RGS7: variants seen among roughly 807,000 people sequenced by gnomAD.
The protein encoded by RGS7 is regulator of G protein signaling 7.
A neutral mutation model predicts 81.1 loss-of-function variants in RGS7; 27 were observed. The observed-to-expected ratio is 0.33, with a 90% CI of 0.25 to 0.46. The LOEUF is 0.46. Ranked by LOEUF, RGS7 falls within the 20% of genes least tolerant of loss-of-function variation. RGS7 has a pLI of 1.00. For missense variants in RGS7, 396 were observed against 607.4 expected, an observed-to-expected ratio of 0.65 and a Z score of 3.66; for synonymous variants, 208 against 207.7, an observed-to-expected ratio of 1.00 and a Z score of -0.01.
In RGS7 at chr1:240,922,929, G is replaced by A. The variant is rs116639063; in HGVS notation, c.385+7788C>T. Among the ~76,000 whole-genome samples, 1,031 of 152,120 alleles carry A rather than the reference G, an allele frequency of 6.8e-3. 5 individuals carry two copies. The highest frequency in any genetic ancestry group is 0.024 in the African/African-American group (998 of 41,542). On this transcript the variant is annotated intron_variant, in intron 6 of 18. Coordinates refer to ENST00000440928, the MANE Select transcript of RGS7 (RefSeq NM_001364886.1). Reference sequence around the variant, plus strand: ...ATGAAGGTTTATAGCAGCTCAACTCGTAATTGCCATATGTGGAATTGATTA... The same window carrying A: ...ATGAAGGTTTATAGCAGCTCAACTCATAATTGCCATATGTGGAATTGATTA...
chr1:240,796,916 C>T (rs1687160655), intron 18 of RGS7, among the ~76,000 whole-genome samples: 1 of 152,174 alleles, frequency 6.6e-6, no homozygotes, highest in Admixed American at 6.5e-5. Flanking sequence ...TTTAAAGTCT[C>T]TACAGATAAT....
chr1:240,880,478 T>C (rs1014012403), intron 6 of RGS7, among the ~76,000 whole-genome samples: 10 of 152,238 alleles, frequency 6.6e-5, no homozygotes, highest in Non-Finnish European at 1.0e-4. Flanking sequence ...GACCAGCCAC[T>C]GCAGCAATCC....
At chr1:240,998,611 T>C (rs138998491) in intron 3 of RGS7, 2 of 875,228 alleles carry the variant, frequency 2.3e-6, no homozygotes, top group Non-Finnish European at 3.8e-6. Context: ...AGCCCCTACA[T>C]TGCAGAGGAG....
rs369411741 is a variant in RGS7, at chr1:240,884,032, C to T, written c.386-13913G>A. On this transcript the variant is annotated intron_variant, in intron 6 of 18. Coordinates refer to ENST00000440928, the MANE Select transcript of RGS7 (RefSeq NM_001364886.1). ...CAGAGGTTGTAGTGAGCTGAGATCA[C>T]GCCATTGCACTCCAGCCTGGGCGAC... Among the ~76,000 whole-genome samples the T allele has an allele frequency of 1.6e-4, 22 of 137,850 alleles. No individual in the cohort carries two copies. In the East Asian group the frequency reaches 3.9e-3, roughly 25 times the overall value. The allele number at this position is 137,850 out of a possible 152,430, so 90.4% of individuals were successfully genotyped here.
chr1:241,353,038 T>C (rs893222937), intron 2 of RGS7, among the ~76,000 whole-genome samples: 1 of 152,218 alleles, frequency 6.6e-6, no homozygotes, highest in East Asian at 1.9e-4. Flanking sequence ...GATGCTTCAA[T>C]AGTGAAGTAG....
At chr1:241,221,857 A>C (rs961424901) in intron 2 of RGS7, among the ~76,000 whole-genome samples, 7 of 152,248 alleles carry the variant, frequency 4.6e-5, no homozygotes, top group African/African-American at 1.7e-4. Flanking sequence ...CATAAACATA[A>C]GCCAATTCCT....
chr1:241,207,633 T>C (rs576211834), intron 2 of RGS7, among the ~76,000 whole-genome samples: 18 of 152,218 alleles, frequency 1.2e-4, no homozygotes, highest in African/African-American at 4.3e-4. Context: ...AAGAAAGTTA[T>C]AATGGACTTG....
At chr1:241,057,668 C>T (rs528178938) in intron 3 of RGS7, among the ~76,000 whole-genome samples, 114 of 152,158 alleles carry the variant, frequency 7.5e-4, no homozygotes, top group Admixed American at 1.4e-3. Context: ...AATCCCAGCA[C>T]TTTGGGAGGC....
chr1:241,224,565 C>A (rs2075205406), intron 2 of RGS7, among the ~76,000 whole-genome samples: 1 of 152,176 alleles, frequency 6.6e-6, no homozygotes, highest in African/African-American at 2.4e-5. Flanking sequence ...TTTCTTCCCA[C>A]CATAAAAGTT....
intron 2 of RGS7, among the ~76,000 whole-genome samples, chr1:241,179,920 A>C (rs1463919731): frequency 6.6e-6 from 1 of 152,222 alleles, no homozygotes; most frequent in Non-Finnish European, 1.5e-5. Flanking sequence ...AAAGAGTCCT[A>C]AAATCTAGTT....
chr1:241,108,139 A>G (rs2065251112), intron 2 of RGS7, among the ~76,000 whole-genome samples: 1 of 152,026 alleles, frequency 6.6e-6, no homozygotes, highest in African/African-American at 2.4e-5. Flanking sequence ...GCCGGTCTCT[A>G]CTAAAAATAC....
At chr1:240,869,357 T>A (rs1392463760) in intron 7 of RGS7, among the ~76,000 whole-genome samples, 1 of 152,164 alleles carries the variant, frequency 6.6e-6, no homozygotes, top group Non-Finnish European at 1.5e-5. Context: ...AGCAGATGAC[T>A]TTTATCTGCT....
chr1:241,125,836 C>T (rs1032017906), intron 2 of RGS7, among the ~76,000 whole-genome samples: 3 of 152,170 alleles, frequency 2.0e-5, no homozygotes, highest in Admixed American at 6.5e-5. Flanking sequence ...CTACCTCGAT[C>T]TTATTTCCTC....
chr1:241,255,867 C>T (rs2077034220), intron 2 of RGS7, among the ~76,000 whole-genome samples: 1 of 152,124 alleles, frequency 6.6e-6, no homozygotes, highest in African/African-American at 2.4e-5. Flanking sequence ...TTAGGTAATT[C>T]CCTTAGCAAG....
intron 3 of RGS7, 26 bp downstream of exon 3, chr1:241,098,640 C>T (rs771787657): frequency 1.5e-5 from 23 of 1,497,360 alleles, no homozygotes; most frequent in Non-Finnish European, 2.0e-5. Flanking sequence ...CAGGAGAAAA[C>T]AGAACTGTGC....
At chr1:240,954,529 G>C (rs1680041222) in intron 4 of RGS7, among the ~76,000 whole-genome samples, 1 of 143,522 alleles carries the variant, frequency 7.0e-6, no homozygotes, top group Non-Finnish European at 1.5e-5. Flanking sequence ...GAAATCATTA[G>C]ACAGAATCCA....
chr1:241,129,724 C>T (rs533991820), intron 2 of RGS7, among the ~76,000 whole-genome samples: 4 of 151,984 alleles, frequency 2.6e-5, no homozygotes, highest in African/African-American at 9.6e-5. Context: ...TGGGTGGAGC[C>T]CAGAAATCAG....
rs1572224082 is a variant in RGS7, at chr1:240,816,391, T to A, written c.709A>T (p.Ile237Phe). ...GTGTGGGTAGGACTGTGACTTCTAA[T>A]ATCATTTTGTAAACCATAGACAGAC... is the stretch of plus-strand genomic sequence containing the variant. ...RKSVYGLQNDIRSHSPTHTPT... is the reference protein window; with the variant it reads ...RKSVYGLQNDFRSHSPTHTPT... The change falls in exon 11 of 19, where the codon ATT becomes TTT. Residue 237 changes from isoleucine to phenylalanine, a missense_variant. By Grantham distance (21) the Ile-to-Phe change is conservative. Coordinates refer to ENST00000440928, the MANE Select transcript of RGS7 (RefSeq NM_001364886.1). 1.9e-6 allele frequency: 3 copies of A among 1,605,910 alleles called. No individual in the cohort carries two copies. The highest frequency in any genetic ancestry group is 2.6e-6 in the Non-Finnish European group (3 of 1,172,720).
At chr1:241,216,213 A>T (rs2074544307) in intron 2 of RGS7, among the ~76,000 whole-genome samples, 1 of 152,192 alleles carries the variant, frequency 6.6e-6, no homozygotes, top group Admixed American at 6.5e-5. Context: ...TAGAGGTTGT[A>T]GTGAGCCGAG....
Sources: allele counts gnomAD v4.1 joint callset (sites outside exome capture counted in the v4.1 genomes callset), GRCh38; gene constraint gnomAD v4.1.1; transcripts MANE v1.5; gene names NCBI Gene and HGNC (gene_info 2026-07-23, HGNC 2026-07-21).